The following SHC3 variants were observed in gnomAD, a reference collection of about 807,000 sequenced individuals.
SHC3 encodes SHC adaptor protein 3, also known as SHC-transforming protein 3.
SHC3 carries 15 observed loss-of-function variants against 60.4 expected under a neutral mutation model. The observed-to-expected ratio is 0.25, with a 90% CI of 0.17 to 0.38. The LOEUF is 0.38. SHC3 is among the 10% of genes least tolerant of loss of function. The probability of loss-of-function intolerance (pLI) is 1.00; values close to 1 mark genes in which losing one functional copy is unlikely to be tolerated. For missense variants in SHC3, 677 were observed against 786.1 expected (o/e 0.86, Z 1.66); for synonymous variants, 294 against 325.9 (o/e 0.90, Z 1.05).
Position 89,075,129 on chromosome 9 carries a change from G to T in SHC3, c.709C>A (p.Arg237=), listed in dbSNP as rs766509484. The change falls in exon 4 of 12, where the codon CGA becomes AGA. Residue 237 remains arginine (R), a synonymous_variant. Transcript: ENST00000375835. ...TGTACCTGTTTGGAGTCCGGAGTTC[G>T]CAGGTTCAGACTGGCCGTGGAGATG... ...LTISTASLNL[R]TPDSKQIIAN... 2 of 1,613,942 alleles carry T rather than the reference G, an allele frequency of 1.2e-6. No homozygotes were observed. Among genetic ancestry groups the T allele is most frequent in the East Asian group, 2.2e-5 (1 of 44,882 alleles).
chr9:89,041,017 TA>T (rs1824679115), intron 10 of SHC3, among the ~76,000 whole-genome samples: 2 of 152,196 alleles, frequency 1.3e-5, no homozygotes, highest in Non-Finnish European at 2.9e-5. Flanking sequence ...TCCTTCTCTG[TA>T]AAATAAAGAT....
At chr9:89,118,153 CT>C (rs144062856) in intron 1 of SHC3, among the ~76,000 whole-genome samples, 3 of 149,702 alleles carry the variant, frequency 2.0e-5, no homozygotes, top group East Asian at 2.0e-4. Context: ...TTCCAAGGCA[CT>C]TTTTTTTTAA....
chr9:89,143,733 C>T (rs890702735), intron 1 of SHC3, among the ~76,000 whole-genome samples: 3 of 152,126 alleles, frequency 2.0e-5, no homozygotes, highest in Non-Finnish European at 2.9e-5. Context: ...TGAATGCTGC[C>T]GCTCTGAAAT....
At chr9:89,169,349 G>A (rs1826836503) in intron 1 of SHC3, among the ~76,000 whole-genome samples, 1 of 152,054 alleles carries the variant, frequency 6.6e-6, no homozygotes, top group Non-Finnish European at 1.5e-5. Flanking sequence ...CACATAACGG[G>A]ACCCTGAACC....
intron 6 of SHC3, among the ~76,000 whole-genome samples, chr9:89,059,216 G>T (rs1825018621): frequency 6.7e-6 from 1 of 149,844 alleles, no homozygotes; most frequent in African/African-American, 2.5e-5. Flanking sequence ...CGGTGGTGGA[G>T]GATGGTGGTG....
intron 1 of SHC3, among the ~76,000 whole-genome samples, chr9:89,146,383 A>C (rs548266896): frequency 9.9e-5 from 15 of 151,580 alleles, no homozygotes; most frequent in South Asian, 4.2e-4. Flanking sequence ...CAAAACAAAA[A>C]AAAACCTGAC....
intron 1 of SHC3, among the ~76,000 whole-genome samples, chr9:89,141,666 T>C (rs934256050): frequency 6.6e-6 from 1 of 152,128 alleles, no homozygotes; most frequent in Non-Finnish European, 1.5e-5. Flanking sequence ...GAAAAATACA[T>C]GTGACAAAGC....
At chr9:89,142,513 T>C (rs1276348702) in intron 1 of SHC3, among the ~76,000 whole-genome samples, 6 of 151,894 alleles carry the variant, frequency 4.0e-5, no homozygotes, top group African/African-American at 1.5e-4. Context: ...TGAAATCCCA[T>C]CTCTATTAAA....
intron 1 of SHC3, among the ~76,000 whole-genome samples, chr9:89,121,300 T>C (rs1826088757): frequency 1.3e-5 from 2 of 152,096 alleles, no homozygotes; most frequent in Admixed American, 1.3e-4. Context: ...TATTTTTTTT[T>C]TTTTCTTGAG....
At chr9:89,158,718 A>G (rs1488721986) in intron 1 of SHC3, among the ~76,000 whole-genome samples, 1 of 152,232 alleles carries the variant, frequency 6.6e-6, no homozygotes, top group Non-Finnish European at 1.5e-5. Context: ...GGGTTCATAC[A>G]CATGCTTTGT....
intron 1 of SHC3, among the ~76,000 whole-genome samples, chr9:89,115,259 G>C (rs1299085066): frequency 6.6e-6 from 1 of 152,132 alleles, no homozygotes; most frequent in Non-Finnish European, 1.5e-5. Context: ...AGCCAACTTT[G>C]CAGAGTTATC....
At chr9:89,078,925 C>A (rs142476511) in intron 2 of SHC3, among the ~76,000 whole-genome samples, 2 of 152,330 alleles carry the variant, frequency 1.3e-5, no homozygotes, top group East Asian at 3.9e-4. Flanking sequence ...CTCAATACTT[C>A]TTCAGATTAA....
intron 6 of SHC3, among the ~76,000 whole-genome samples, chr9:89,055,185 A>G (rs577980109): frequency 1.3e-5 from 2 of 152,388 alleles, no homozygotes; most frequent in South Asian, 4.1e-4. Flanking sequence ...ACAGTGGTGA[A>G]TGAGAAGGCA....
chr9:89,019,947 G>A (rs918014570), intron 11 of SHC3, among the ~76,000 whole-genome samples: 1 of 152,140 alleles, frequency 6.6e-6, no homozygotes, highest in Non-Finnish European at 1.5e-5. Flanking sequence ...GAGGAAGTGA[G>A]GTTTTACAAA....
chr9:89,163,965 T>C (rs1826748499), intron 1 of SHC3, among the ~76,000 whole-genome samples: 1 of 152,034 alleles, frequency 6.6e-6, no homozygotes, highest in Non-Finnish European at 1.5e-5. Context: ...ATAAGGGCAC[T>C]AATCCCATTC....
intron 6 of SHC3, 82 bp from the exon 7 acceptor site, chr9:89,052,245 A>G (rs889266194): frequency 6.4e-7 from 1 of 1,552,688 alleles, no homozygotes; most frequent in African/African-American, 1.4e-5. Flanking sequence ...CTTGCTGAGG[A>G]CACAGGGACA....
intron 6 of SHC3, among the ~76,000 whole-genome samples, chr9:89,058,761 G>GAGGATGGTGT (rs1380029428): frequency 6.8e-6 from 1 of 147,014 alleles, no homozygotes; most frequent in East Asian, 2.1e-4. Context: ...GAGGATGGTG[G>GAGGATGGTGT]TGGAGGATGT....
At chr9:89,144,452 C>G (rs1255740043) in intron 1 of SHC3, among the ~76,000 whole-genome samples, 2 of 152,056 alleles carry the variant, frequency 1.3e-5, no homozygotes, top group Non-Finnish European at 1.5e-5. Context: ...CTGGGTGGAG[C>G]CTAATGCTAA....
chr9:89,058,803 G>A (rs1485552577), intron 6 of SHC3, among the ~76,000 whole-genome samples: 12 of 150,320 alleles, frequency 8.0e-5, no homozygotes, highest in African/African-American at 2.5e-4. Context: ...TGGTGGTGGA[G>A]GACATTGTAG....
Sources: allele counts gnomAD v4.1 joint callset (sites outside exome capture counted in the v4.1 genomes callset), GRCh38; gene constraint gnomAD v4.1.1; transcripts MANE v1.5; gene names NCBI Gene and HGNC (gene_info 2026-07-23, HGNC 2026-07-21).